The following ZCCHC7 variants were observed in gnomAD, a reference collection of about 807,000 sequenced individuals.
The protein encoded by ZCCHC7 is zinc finger CCHC domain-containing protein 7.
ZCCHC7 carries 35 observed loss-of-function variants against 52.0 expected under a neutral mutation model. The observed-to-expected ratio is 0.67, with a 90% confidence interval of 0.51 to 0.89. ZCCHC7 has a LOEUF of 0.89. Ranked by LOEUF, ZCCHC7 falls within the 40% of genes least tolerant of loss-of-function variation. The pLI is 0.00. For missense variants in ZCCHC7, 574 were observed against 649.1 expected (o/e 0.88, Z 1.26); for synonymous variants, 217 against 221.5 (o/e 0.98, Z 0.18).
chr9:37,251,815 T>C (rs1272458126), intron 2 of ZCCHC7, among the ~76,000 whole-genome samples: 2 of 152,138 alleles, frequency 1.3e-5, no homozygotes, highest in East Asian at 3.9e-4. Flanking sequence ...AACTAGAGAG[T>C]ATCACCAGTA....
intron 6 of ZCCHC7, among the ~76,000 whole-genome samples, chr9:37,340,905 A>G (rs949173397): frequency 2.0e-5 from 3 of 152,192 alleles, no homozygotes; most frequent in Non-Finnish European, 4.4e-5. Flanking sequence ...CTAATTAATT[A>G]TTGTGAAACA....
At chr9:37,256,797 T>C (rs1018933557) in intron 2 of ZCCHC7, among the ~76,000 whole-genome samples, 1 of 152,208 alleles carries the variant, frequency 6.6e-6, no homozygotes, top group Non-Finnish European at 1.5e-5. Context: ...TTTAGGAAAC[T>C]ATCACCTGTT....
At chr9:37,122,166 A>C (rs1219341510) in intron 1 of ZCCHC7, among the ~76,000 whole-genome samples, 1 of 152,222 alleles carries the variant, frequency 6.6e-6, no homozygotes, top group African/African-American at 2.4e-5. Flanking sequence ...AAAAGGTCAG[A>C]ATGACCAGTA....
chr9:37,259,970 A>G (rs1826786315), intron 2 of ZCCHC7, among the ~76,000 whole-genome samples: 2 of 152,262 alleles, frequency 1.3e-5, no homozygotes, highest in South Asian at 2.1e-4. Flanking sequence ...TTTATATTCA[A>G]TTTCTCTTTC....
intron 2 of ZCCHC7, among the ~76,000 whole-genome samples, chr9:37,217,003 ACTTTT>A (rs1186722013): frequency 6.6e-6 from 1 of 151,994 alleles, no homozygotes; most frequent in Non-Finnish European, 1.5e-5. Context: ...CCTCTATCTC[ACTTTT>A]CTTTTTATTT....
chr9:37,230,502 A>C (rs1825346796), intron 2 of ZCCHC7, among the ~76,000 whole-genome samples: 1 of 152,194 alleles, frequency 6.6e-6, no homozygotes, highest in Admixed American at 6.5e-5. Flanking sequence ...AAAATGTGGG[A>C]TGGGGCATTA....
intron 2 of ZCCHC7, among the ~76,000 whole-genome samples, chr9:37,199,203 C>T (rs1314521917): frequency 2.0e-5 from 3 of 152,004 alleles, no homozygotes; most frequent in African/African-American, 7.2e-5. Context: ...GAACAAACAG[C>T]AAAAGAAAAA....
chr9:37,349,572 CTT>C (rs966038466), intron 7 of ZCCHC7, 120 bp downstream of exon 7: 4 of 968,166 alleles, frequency 4.1e-6, no homozygotes, highest in East Asian at 2.7e-5. Flanking sequence ...TAAAGTAAGA[CTT>C]AATATATTTT....
At chr9:37,165,790 C>T (rs1185481688) in intron 2 of ZCCHC7, among the ~76,000 whole-genome samples, 3 of 152,128 alleles carry the variant, frequency 2.0e-5, no homozygotes, top group African/African-American at 7.2e-5. Context: ...AATATAAAAA[C>T]TGTTCTTGGA....
intron 6 of ZCCHC7, among the ~76,000 whole-genome samples, chr9:37,332,389 A>G (rs1830483127): frequency 6.6e-6 from 1 of 151,480 alleles, no homozygotes; most frequent in Admixed American, 6.6e-5. Context: ...GATGACTTGT[A>G]ATAGTCCATC....
At chr9:37,219,527 A>C (rs975932841) in intron 2 of ZCCHC7, among the ~76,000 whole-genome samples, 4 of 152,214 alleles carry the variant, frequency 2.6e-5, no homozygotes, top group African/African-American at 9.7e-5. Flanking sequence ...TTAAGGATTA[A>C]TCTTCAGGGA....
intron 2 of ZCCHC7, among the ~76,000 whole-genome samples, chr9:37,237,379 T>G (rs1308569843): frequency 6.6e-6 from 1 of 152,232 alleles, no homozygotes; most frequent in Non-Finnish European, 1.5e-5. Context: ...GACTTAAGGT[T>G]TCATGAATAG....
intron 2 of ZCCHC7, among the ~76,000 whole-genome samples, chr9:37,149,768 T>C (rs2132824131): frequency 6.6e-6 from 1 of 152,316 alleles, no homozygotes; most frequent in East Asian, 1.9e-4. Flanking sequence ...TAAAAGTCTA[T>C]GTAAGTTGCT....
chr9:37,253,129 A>G (rs960063604), intron 2 of ZCCHC7, among the ~76,000 whole-genome samples: 11 of 152,132 alleles, frequency 7.2e-5, no homozygotes, highest in Admixed American at 1.3e-4. Context: ...TAAAAGGTCT[A>G]TAGATACGGC....
intron 6 of ZCCHC7, among the ~76,000 whole-genome samples, chr9:37,328,605 A>G (rs1197366234): frequency 1.3e-5 from 2 of 151,888 alleles, no homozygotes; most frequent in Admixed American, 6.6e-5. Context: ...ATAACATAAT[A>G]TATATTAATT....
intron 2 of ZCCHC7, among the ~76,000 whole-genome samples, chr9:37,217,898 A>G (rs535857196): frequency 3.9e-5 from 6 of 152,226 alleles, no homozygotes; most frequent in Non-Finnish European, 8.8e-5. Flanking sequence ...ATGATCTTGA[A>G]TGAATATTCT....
chr9:37,348,560 A>C (rs1223881015), intron 6 of ZCCHC7, among the ~76,000 whole-genome samples: 2 of 151,972 alleles, frequency 1.3e-5, no homozygotes, highest in African/African-American at 4.8e-5. Flanking sequence ...TTGTATTTTT[A>C]GTAGAGACGA....
chr9:37,251,943 G>GT (rs1057427904), intron 2 of ZCCHC7, among the ~76,000 whole-genome samples: 2 of 152,094 alleles, frequency 1.3e-5, no homozygotes, highest in African/African-American at 4.8e-5. Context: ...TTTTAATTTA[G>GT]TTTTTTCTGT....
At chr9:37,323,934 G>T (rs964571541) in intron 5 of ZCCHC7, among the ~76,000 whole-genome samples, 127 of 152,290 alleles carry the variant, frequency 8.3e-4, no homozygotes, top group African/African-American at 2.8e-3. Context: ...TGAGGCTTCA[G>T]AGTAGGGGCG....
Sources: gnomAD v4.1 joint callset for allele counts (sites outside exome capture counted in the v4.1 genomes callset) on GRCh38, gnomAD v4.1.1 for gene constraint, MANE v1.5 for transcripts, NCBI Gene and HGNC (gene_info 2026-07-23, HGNC 2026-07-21) for gene names.